The following RYR2 variants were observed in gnomAD, a reference collection of about 807,000 sequenced individuals.
The protein encoded by RYR2 is ryanodine receptor 2.
RYR2 carries 227 observed loss-of-function variants against 601.1 expected under a neutral mutation model. The ratio of observed to expected loss-of-function variants is 0.38; its 90% CI spans 0.34 to 0.42. The LOEUF (loss-of-function observed/expected upper bound fraction) is 0.42, where lower values mean the gene tolerates loss of function less well. Ranked by LOEUF, RYR2 falls within the 10% of genes least tolerant of loss-of-function variation. RYR2 has a pLI of 1.00. For missense variants in RYR2, 4,646 were observed against 6,156.5 expected, an observed-to-expected ratio of 0.75 and a Z score of 8.21; for synonymous variants, 2,223 against 2,175.1, an observed-to-expected ratio of 1.02 and a Z score of -0.61.
intron 1 of RYR2, among the ~76,000 whole-genome samples, chr1:237,054,161 C>T (rs958277140): frequency 6.6e-6 from 1 of 151,700 alleles, no homozygotes; most frequent in Non-Finnish European, 1.5e-5. Flanking sequence ...CTTCTTTCTC[C>T]TTCCTCCCTC....
At chr1:237,351,854 C>CAAAAAAAAAAAAAAAAAAAAAAAAA in intron 3 of RYR2, among the ~76,000 whole-genome samples, 1 of 40,930 alleles carries the variant, frequency 2.4e-5, no homozygotes, top group Non-Finnish European at 4.7e-5. Flanking sequence ...AAAGACCATG[C>CAAAAAAAAAAAAAAAAAAAAAAAAA]AAAAAAAAAA....
chr1:237,456,783 TG>T (rs772467305), intron 16 of RYR2, 48 bp downstream of exon 16: 1 of 1,597,876 alleles, frequency 6.3e-7, no homozygotes, highest in Admixed American at 1.7e-5. Context: ...CTATTTAAAA[TG>T]TCCATAAATG....
At position 237,325,311 on chromosome 1, in the gene RYR2, A is replaced by AG. The variant is rs1647524399; in HGVS notation, c.169-5567_169-5566insG. 2.6e-5 allele frequency among the ~76,000 whole-genome samples: 4 copies of AG among 152,360 alleles called. No individual in the cohort carries two copies. In the South Asian group the frequency reaches 8.3e-4, roughly 32 times the overall value. On this transcript the variant is annotated intron_variant, in intron 2 of 104. Coordinates refer to ENST00000366574, the MANE Select transcript of RYR2 (RefSeq NM_001035.3). ...TTATATAGCGTGAACCCATTAATGG[A>AG]AAAAGCTAATCTATATATTTCTACA...
intron 1 of RYR2, among the ~76,000 whole-genome samples, chr1:237,185,013 G>A (rs1333328213): frequency 6.6e-6 from 1 of 151,834 alleles, no homozygotes; most frequent in Non-Finnish European, 1.5e-5. Flanking sequence ...GGGACTGCAG[G>A]CATGCACCAC....
intron 60 of RYR2, among the ~76,000 whole-genome samples, chr1:237,676,686 A>T (rs1481231028): frequency 1.3e-5 from 2 of 152,216 alleles, no homozygotes; most frequent in African/African-American, 2.4e-5. Flanking sequence ...TTCACTTTGG[A>T]GATTTTGCAG....
At chr1:237,465,722 C>T (rs1003471169) in intron 16 of RYR2, among the ~76,000 whole-genome samples, 5 of 152,228 alleles carry the variant, frequency 3.3e-5, no homozygotes, top group Middle Eastern at 3.4e-3. Flanking sequence ...CTACGCTATA[C>T]GGGATGGCCT....
At chr1:237,661,886 C>T (rs1683835084) in intron 56 of RYR2, among the ~76,000 whole-genome samples, 1 of 152,112 alleles carries the variant, frequency 6.6e-6, no homozygotes, top group Non-Finnish European at 1.5e-5. Flanking sequence ...AGGGAGGACA[C>T]CAAATACCAC....
At chr1:237,089,635 G>A (rs550148588) in intron 1 of RYR2, among the ~76,000 whole-genome samples, 1 of 152,174 alleles carries the variant, frequency 6.6e-6, no homozygotes, top group Non-Finnish European at 1.5e-5. Context: ...CAATAGAATT[G>A]TATGTTATCT....
chr1:237,832,036 A>G lies in RYR2; in HGVS notation c.14808+471A>G, dbSNP rs790898. On this transcript the variant is annotated intron_variant, in intron 104 of 104. Coordinates refer to ENST00000366574, the MANE Select transcript of RYR2 (RefSeq NM_001035.3). ...AGAACCCTCAGAAGCATAAATGTATATATATACACACACACATATATTTTT... is the reference window on the plus strand; with the variant it reads ...AGAACCCTCAGAAGCATAAATGTATGTATATACACACACACATATATTTTT... 5.5e-3 allele frequency among the ~76,000 whole-genome samples: 833 copies of G among 152,192 alleles called. 1 individual carries two copies. Among genetic ancestry groups the G allele is most frequent in the Non-Finnish European group, 9.7e-3 (661 of 68,002 alleles).
At chr1:237,286,053 C>G (rs1691525612) in intron 2 of RYR2, among the ~76,000 whole-genome samples, 1 of 151,886 alleles carries the variant, frequency 6.6e-6, no homozygotes, top group Admixed American at 6.6e-5. Context: ...TTTCTTTCTT[C>G]TGCTGGGTTT....
At chr1:237,529,930 C>T (rs1296222939) in intron 24 of RYR2, among the ~76,000 whole-genome samples, 4 of 152,028 alleles carry the variant, frequency 2.6e-5, no homozygotes, top group Non-Finnish European at 4.4e-5. Flanking sequence ...CAGTGTATTC[C>T]TTTTTGTGCC....
intron 72 of RYR2, 71 bp downstream of exon 72, chr1:237,717,439 C>A: frequency 8.0e-7 from 1 of 1,247,700 alleles, no homozygotes; most frequent in Non-Finnish European, 1.1e-6. Context: ...ATTCCTTTGT[C>A]TCACTGCCCT....
rs565473512 is a variant in RYR2, at chr1:237,414,984, A to G, written c.774-2065A>G. On this transcript the variant is annotated intron_variant, in intron 10 of 104. Coordinates refer to ENST00000366574, the MANE Select transcript of RYR2 (RefSeq NM_001035.3). ...TTTTGTCCCCAAAGGGACATCTGACAATGTTGGAGAACTCTTAGAACTCTT... is the reference window on the plus strand; with the variant it reads ...TTTTGTCCCCAAAGGGACATCTGACGATGTTGGAGAACTCTTAGAACTCTT... Among the ~76,000 whole-genome samples the G allele has an allele frequency of 4.6e-3, 359 of 77,352 alleles. 4 individuals are homozygous for G. Among genetic ancestry groups the G allele is most frequent in the African/African-American group, 0.014 (343 of 25,360 alleles). The allele number at this position is 77,352 out of a possible 152,430, so 50.7% of individuals were successfully genotyped here.
intron 10 of RYR2, 87 bp downstream of exon 10, chr1:237,388,270 C>A: frequency 9.5e-7 from 1 of 1,057,366 alleles, no homozygotes; most frequent in Non-Finnish European, 1.4e-6. Flanking sequence ...TCATTCAGGC[C>A]AGTAGCATCA....
At chr1:237,390,008 C>G (rs1237762250) in intron 10 of RYR2, among the ~76,000 whole-genome samples, 1 of 152,092 alleles carries the variant, frequency 6.6e-6, no homozygotes, top group Non-Finnish European at 1.5e-5. Flanking sequence ...TGGATTCCTA[C>G]AGAATGCTGA....
intron 1 of RYR2, among the ~76,000 whole-genome samples, chr1:237,077,592 T>C (rs1224207088): frequency 1.6e-5 from 2 of 126,136 alleles, no homozygotes; most frequent in African/African-American, 5.6e-5. Flanking sequence ...TAAATATTTA[T>C]GCACCCAATA....
At chr1:237,572,419 C>T (rs892488424) in intron 29 of RYR2, among the ~76,000 whole-genome samples, 2 of 152,160 alleles carry the variant, frequency 1.3e-5, no homozygotes, top group African/African-American at 2.4e-5. Context: ...TATTTAAGCA[C>T]GTAACAAATG....
At chr1:237,809,361 G>C (rs1661017962) in intron 100 of RYR2, among the ~76,000 whole-genome samples, 1 of 152,132 alleles carries the variant, frequency 6.6e-6, no homozygotes, top group Non-Finnish European at 1.5e-5. Context: ...GAGAACATTT[G>C]GAAGCCTTAG....
At chr1:237,190,203 A>G (rs1392264645) in intron 1 of RYR2, among the ~76,000 whole-genome samples, 2 of 151,992 alleles carry the variant, frequency 1.3e-5, no homozygotes, top group Admixed American at 1.3e-4. Flanking sequence ...TGTTTTCTAT[A>G]ATGGCTGCAC....
Sources: gnomAD v4.1 joint callset for allele counts (sites outside exome capture counted in the v4.1 genomes callset) on GRCh38, gnomAD v4.1.1 for gene constraint, MANE v1.5 for transcripts, NCBI Gene and HGNC (gene_info 2026-07-23, HGNC 2026-07-21) for gene names.